Variants in SHLD2 observed in about 807,000 individuals in gnomAD.
SHLD2 encodes the protein RINN1-REV7-interacting novel NHEJ regulator 2.
Under a neutral mutation model 73.2 loss-of-function variants are expected in SHLD2, and 30 were observed. That is an observed-to-expected ratio of 0.41 (90% CI 0.31 to 0.56). The LOEUF (loss-of-function observed/expected upper bound fraction) is 0.56. Among genes scored for constraint, SHLD2 ranks in the 20% least tolerant of loss-of-function variants. The probability of loss-of-function intolerance (pLI) is 0.28; values close to 1 mark genes in which losing one functional copy is unlikely to be tolerated. For synonymous variants in SHLD2, 285 were observed against 370.1 expected (o/e 0.77, Z 2.64); for missense variants, 745 against 1,055.9 (o/e 0.71, Z 4.08).
At chr10:87,098,396 C>A (rs1842042426) in intron 2 of SHLD2, among the ~76,000 whole-genome samples, 1 of 151,898 alleles carries the variant, frequency 6.6e-6, no homozygotes, top group Non-Finnish European at 1.5e-5. Flanking sequence ...CCCTGTAATC[C>A]CAGCTACTCA....
chr10:87,154,886 G>A (rs1035292587), intron 3 of SHLD2, among the ~76,000 whole-genome samples: 2 of 152,208 alleles, frequency 1.3e-5, no homozygotes, highest in African/African-American at 2.4e-5. Context: ...CAGGAGGAAT[G>A]AGAACCTTAG....
rs769221597 is a variant in SHLD2 at position 87,151,755 on chromosome 10, A to C, written c.401A>C (p.Glu134Ala). Residue 134 changes from glutamate (E) to alanine (A), a missense_variant, in exon 3 of 10, where the codon GAA (glutamate) becomes GCA (alanine). Physicochemically the swap from Glu to Ala is moderately radical, Grantham distance 107. Coordinates refer to ENST00000298786, the MANE Select transcript of SHLD2 (RefSeq NM_001330112.2). ...GFKSTVPHFT[E>A]EEKYQKLLSE... Reference sequence around the variant, plus strand: ...AAAAGCACAGTTCCGCATTTCACCGAAGAAGAAAAGTATCAAAAGCTTCTC... The same window carrying C: ...AAAAGCACAGTTCCGCATTTCACCGCAGAAGAAAAGTATCAAAAGCTTCTC... 1.9e-6 allele frequency: 3 copies of C among 1,611,998 alleles called. No individual in the cohort carries two copies. Among genetic ancestry groups the C allele is most frequent in the Non-Finnish European group, 2.5e-6 (3 of 1,179,832 alleles).
intron 2 of SHLD2, among the ~76,000 whole-genome samples, chr10:87,111,263 A>G (rs985060841): frequency 3.9e-5 from 6 of 152,140 alleles, no homozygotes; most frequent in African/African-American, 1.4e-4. Context: ...TCTAGACTCA[A>G]GCGGTCCTCC....
rs7096845 is a variant in SHLD2, at chr10:87,098,470, G to A, written c.-6+1481G>A. ...GGAGGTTTCAGTGAGCTGAGATTGC[G>A]CCATTGCACTCCAGCCTGGGTAACA... is the stretch of plus-strand genomic sequence containing the variant. On this transcript the variant is annotated intron_variant, in intron 2 of 9. Transcript: ENST00000298786. Among the ~76,000 whole-genome samples the A allele has an allele frequency of 6.3e-3, 932 of 148,368 alleles. 6 individuals are homozygous for A. Among genetic ancestry groups the A allele is most frequent in the African/African-American group, 0.022 (876 of 40,034 alleles).
chr10:87,096,409 T>C (rs556791057), intron 1 of SHLD2, among the ~76,000 whole-genome samples: 39 of 152,262 alleles, frequency 2.6e-4, no homozygotes, highest in Non-Finnish European at 4.4e-4. Context: ...ACATACTTGA[T>C]AGGAAATGCT....
intron 7 of SHLD2, among the ~76,000 whole-genome samples, chr10:87,178,235 CAAAAAAAAAAA>C (rs71019476): frequency 1.4e-3 from 43 of 31,038 alleles, no homozygotes; most frequent in Non-Finnish European, 2.1e-3. Flanking sequence ...TACTCTGTCT[CAAAAAAAAAAA>C]AAAAAAAAAA....
At chr10:87,117,732 C>T (rs908989196) in intron 2 of SHLD2, among the ~76,000 whole-genome samples, 3 of 152,102 alleles carry the variant, frequency 2.0e-5, no homozygotes, top group Non-Finnish European at 4.4e-5. Flanking sequence ...GAAGTTGAGG[C>T]TGCAGTGAGC....
In SHLD2 at chr10:87,190,037, G is replaced by A. The variant is rs1185456737; in HGVS notation, c.2516-447G>A. Among the ~76,000 whole-genome samples the A allele has an allele frequency of 2.6e-5, 4 of 152,114 alleles. No homozygotes were observed. In the East Asian group the frequency reaches 7.7e-4, roughly 29 times the overall value. On this transcript the variant is annotated intron_variant, in intron 9 of 9. Transcript: ENST00000298786. Reference sequence around the variant, plus strand: ...CAATAGCTTGTAACTAGAAAGAGAAGGTATAGAAAGAGTAGTTTACTTACC... The same window carrying A: ...CAATAGCTTGTAACTAGAAAGAGAAAGTATAGAAAGAGTAGTTTACTTACC...
intron 2 of SHLD2, among the ~76,000 whole-genome samples, chr10:87,127,979 G>C (rs1203072711): frequency 6.6e-6 from 1 of 152,122 alleles, no homozygotes; most frequent in South Asian, 2.1e-4. Context: ...GTAAGATTTA[G>C]TTTCCAGGGG....
intron 9 of SHLD2, among the ~76,000 whole-genome samples, chr10:87,188,322 T>C (rs565302179): frequency 6.6e-6 from 1 of 152,186 alleles, no homozygotes; most frequent in African/African-American, 2.4e-5. Context: ...GGGTGGTTTT[T>C]CAGTCCTCCC....
intron 4 of SHLD2, among the ~76,000 whole-genome samples, chr10:87,165,605 A>G (rs1304050328): frequency 4.6e-5 from 7 of 152,212 alleles, no homozygotes; most frequent in African/African-American, 1.2e-4. Context: ...AGGATTCTTC[A>G]TAAGTGTCAA....
chr10:87,125,253 G>A (rs1220491195), intron 2 of SHLD2, among the ~76,000 whole-genome samples: 1 of 152,108 alleles, frequency 6.6e-6, no homozygotes, highest in Non-Finnish European at 1.5e-5. Flanking sequence ...GGCTCTCTAG[G>A]ACAAATTAAT....
At chr10:87,140,464 A>G (rs974790413) in intron 2 of SHLD2, among the ~76,000 whole-genome samples, 1 of 151,656 alleles carries the variant, frequency 6.6e-6, no homozygotes, top group Non-Finnish European at 1.5e-5. Context: ...GTGGCTCATC[A>G]TGGTGGCTCA....
rs878987124 is a variant in SHLD2, at chr10:87,180,150, C to A, written c.2246C>A (p.Ala749Asp). Residue 749 changes from alanine to aspartate, a missense_variant, in exon 8 of 10, where the codon GCT becomes GAT. This residue lies in a region of SHLD2 where 418 missense variants were observed against 567.8 expected (regional missense o/e 0.74). Transcript: ENST00000298786. Reference protein sequence around the residue: ...ITASQKIALNAHSSLKSIFSS... With the variant: ...ITASQKIALNDHSSLKSIFSS... Reference sequence around the variant, plus strand: ...GCATCTCAGAAGATAGCGCTAAATGCTCACAGTTCTCTGAAGAGTATTTTT... The same window carrying A: ...GCATCTCAGAAGATAGCGCTAAATGATCACAGTTCTCTGAAGAGTATTTTT... 7 of 1,613,734 alleles carry A rather than the reference C, an allele frequency of 4.3e-6. No homozygotes were observed. The Admixed American group carries it at 1.0e-4, about 23-fold the overall frequency.
At chr10:87,103,359 A>G (rs567007385) in intron 2 of SHLD2, among the ~76,000 whole-genome samples, 1 of 152,218 alleles carries the variant, frequency 6.6e-6, no homozygotes, top group African/African-American at 2.4e-5. Flanking sequence ...CTATGGAAAC[A>G]GCATAGGCAA....
At chr10:87,171,239 G>T (rs2134580583) in intron 6 of SHLD2, among the ~76,000 whole-genome samples, 1 of 152,188 alleles carries the variant, frequency 6.6e-6, no homozygotes, top group South Asian at 2.1e-4. Context: ...TTTTAGTGAA[G>T]ATCTTACCTC....
At position 87,141,178 on chromosome 10, in the gene SHLD2, G is replaced by A. The variant is rs1320829206; in HGVS notation, c.-5-10172G>A. On this transcript the variant is annotated intron_variant, in intron 2 of 9. Coordinates refer to ENST00000298786, the MANE Select transcript of SHLD2 (RefSeq NM_001330112.2). ...GGCCTGTAGTCCTATCTACTCAGGTGGCTAAGGTGGGAGGATTGCTTGAGC... is the reference window on the plus strand; with the variant it reads ...GGCCTGTAGTCCTATCTACTCAGGTAGCTAAGGTGGGAGGATTGCTTGAGC... Among the ~76,000 whole-genome samples the A allele has an allele frequency of 2.0e-5, 3 of 152,282 alleles. No homozygotes were observed. In the East Asian group the frequency reaches 5.8e-4, roughly 29 times the overall value.
chr10:87,178,313 G>A (rs969776696), intron 7 of SHLD2, among the ~76,000 whole-genome samples: 63 of 151,630 alleles, frequency 4.2e-4, no homozygotes, highest in Non-Finnish European at 6.6e-4. Flanking sequence ...TAACTGTTGG[G>A]TACTCTGCCT....
chr10:87,181,665 C>G (rs1039386985), intron 8 of SHLD2, among the ~76,000 whole-genome samples: 8 of 151,216 alleles, frequency 5.3e-5, no homozygotes, highest in Non-Finnish European at 7.4e-5. Context: ...AGATCTCTTC[C>G]TAAACTATAC....
Sources: gnomAD v4.1 joint callset for allele counts (sites outside exome capture counted in the v4.1 genomes callset) on GRCh38, gnomAD v4.1.1 for gene constraint, gnomAD v4.1.1 regional missense constraint, MANE v1.5 for transcripts, NCBI Gene and HGNC (gene_info 2026-07-23, HGNC 2026-07-21) for gene names.